VAV2: variants seen among roughly 807,000 people sequenced by gnomAD.
The protein encoded by VAV2 is guanine nucleotide exchange factor VAV2.
VAV2 carries 67 observed loss-of-function variants against 132.5 expected under a neutral mutation model. The ratio of observed to expected loss-of-function variants is 0.51; its 90% CI spans 0.42 to 0.62. The LOEUF (loss-of-function observed/expected upper bound fraction) is 0.62. Among genes scored for constraint, VAV2 ranks in the 20% least tolerant of loss-of-function variants. The probability of loss-of-function intolerance (pLI) is 0.00; values close to 1 mark genes in which losing one functional copy is unlikely to be tolerated. For missense variants in VAV2, 938 were observed against 1,153.6 expected (o/e 0.81, Z 2.71); for synonymous variants, 492 against 443.5 (o/e 1.11, Z -1.37).
rs950518198 is a variant in VAV2, at chr9:133,857,087, A to C, written c.380+4287T>G. ...CATTTGGCTGACAGAAGCTTCCTTC[A>C]TGGGACCTGACCTCCCAGCCTGAGG... On this transcript the variant is annotated intron_variant, in intron 3 of 29. Coordinates refer to ENST00000371850, the MANE Select transcript of VAV2 (RefSeq NM_001134398.2). The surrounding 1 kb of genome is among the most constrained non-coding windows in gnomAD (Gnocchi z 4.0). Among the ~76,000 whole-genome samples, 1 of 152,170 alleles carries C rather than the reference A, an allele frequency of 6.6e-6. No homozygotes were observed. Among genetic ancestry groups the C allele is most frequent in the Non-Finnish European group, 1.5e-5 (1 of 68,020 alleles).
At chr9:133,930,198 C>G (rs76091344) in intron 2 of VAV2, among the ~76,000 whole-genome samples, 1 of 152,306 alleles carries the variant, frequency 6.6e-6, no homozygotes, top group East Asian at 1.9e-4. Flanking sequence ...ACAGCCCCAC[C>G]GGCCTCCACT....
chr9:133,790,590 G>A (rs1182714167), intron 13 of VAV2, among the ~76,000 whole-genome samples: 1 of 152,184 alleles, frequency 6.6e-6, no homozygotes, highest in Non-Finnish European at 1.5e-5. Flanking sequence ...ACCGCCTCGC[G>A]CAGGAGCTCA....
intron 16 of VAV2, 33 bp from the exon 17 acceptor site, chr9:133,785,918 G>C (rs1327900929): frequency 1.3e-6 from 2 of 1,587,942 alleles, no homozygotes; most frequent in African/African-American, 2.7e-5. Flanking sequence ...GCTTGCAATA[G>C]ACACGGCTTC....
chr9:133,797,545 CCAACA>C (rs1334954824), intron 10 of VAV2, among the ~76,000 whole-genome samples, 160 bp downstream of exon 10: 3 of 152,196 alleles, frequency 2.0e-5, no homozygotes, highest in Non-Finnish European at 4.4e-5. Context: ...ACTCCCCAAC[CCAACA>C]CAATGCAAAA....
At chr9:133,887,800 G>A (rs1190580375) in intron 2 of VAV2, among the ~76,000 whole-genome samples, 4 of 142,490 alleles carry the variant, frequency 2.8e-5, no homozygotes, top group African/African-American at 5.4e-5. Context: ...CCCATCCCCC[G>A]CCCCCCACCC....
chr9:133,795,134 T>C (rs1834655571), intron 12 of VAV2, among the ~76,000 whole-genome samples: 1 of 152,274 alleles, frequency 6.6e-6, no homozygotes, highest in African/African-American at 2.4e-5. Context: ...GAGGAGCCCA[T>C]GCCTGCTTCA....
At position 133,989,742 on chromosome 9, in the gene VAV2, C is replaced by T. The variant is rs1398008711; in HGVS notation, c.204+2333G>A. ...AACAAACACCAGCCACACAGAGAAA[C>T]GAAGTCTTTCTCCCAACCCCTGTGT... is the stretch of plus-strand genomic sequence containing the variant. On this transcript the variant is annotated intron_variant, in intron 1 of 29. Transcript: ENST00000371850. Among the ~76,000 whole-genome samples the T allele has an allele frequency of 3.3e-5, 5 of 152,196 alleles. No individual in the cohort carries two copies. In the South Asian group the frequency reaches 6.2e-4, roughly 19 times the overall value.
chr9:133,815,915 CA>C (rs1835542091), intron 4 of VAV2, among the ~76,000 whole-genome samples: 2 of 152,182 alleles, frequency 1.3e-5, no homozygotes, highest in African/African-American at 4.8e-5. Context: ...AAGCAGCTGA[CA>C]AATGCTTTTC....
chr9:133,920,741 G>A (rs1011034727), intron 2 of VAV2, among the ~76,000 whole-genome samples: 3 of 152,088 alleles, frequency 2.0e-5, no homozygotes, highest in African/African-American at 7.2e-5. Flanking sequence ...CCCCACAGCA[G>A]GCCAGTGCTG....
In VAV2 at chr9:133,857,914, G is replaced by A. The variant is rs145587286; in HGVS notation, c.380+3460C>T. Among the ~76,000 whole-genome samples, 1,189 of 152,356 alleles carry A rather than the reference G, an allele frequency of 7.8e-3. 6 individuals are homozygous for A. The highest frequency in any genetic ancestry group is 0.012 in the Non-Finnish European group (827 of 68,016). ...GGCAGGAAAGCCAGGCCCCGGGGAG[G>A]AGGGCCTGCAGAGGTCTTCCTGCAA... On this transcript the variant is annotated intron_variant, in intron 3 of 29. Transcript: ENST00000371850. The surrounding 1 kb of genome is among the most constrained non-coding windows in gnomAD (Gnocchi z 4.0).
chr9:133,776,931 G>A (rs567768888), intron 23 of VAV2, among the ~76,000 whole-genome samples: 48 of 152,272 alleles, frequency 3.2e-4, no homozygotes, highest in African/African-American at 1.0e-3. Context: ...CCGAGAATTC[G>A]CTCCATATCC....
chr9:133,907,105 C>A (rs1839685958), intron 2 of VAV2, among the ~76,000 whole-genome samples: 1 of 152,220 alleles, frequency 6.6e-6, no homozygotes, highest in Non-Finnish European at 1.5e-5. Context: ...CTTGTCCATA[C>A]CTCCTTCAGC....
intron 1 of VAV2, among the ~76,000 whole-genome samples, chr9:133,951,651 G>C (rs1026351942): frequency 3.3e-5 from 5 of 152,092 alleles, no homozygotes; most frequent in African/African-American, 4.8e-5. Flanking sequence ...TGTCAAGCAG[G>C]GGTGGCAGTC....
chr9:133,832,127 G>C (rs1836286762), intron 4 of VAV2, among the ~76,000 whole-genome samples: 2 of 152,204 alleles, frequency 1.3e-5, no homozygotes, highest in African/African-American at 4.8e-5. Flanking sequence ...AGGACAGGAA[G>C]AAGGTGCAGG....
intron 1 of VAV2, among the ~76,000 whole-genome samples, chr9:133,956,643 T>G (rs1383218266): frequency 6.6e-6 from 1 of 152,186 alleles, no homozygotes; most frequent in African/African-American, 2.4e-5. Flanking sequence ...AGCTGTACTT[T>G]CTGGAAATTC....
intron 2 of VAV2, among the ~76,000 whole-genome samples, chr9:133,862,448 G>A (rs534272789): frequency 1.6e-4 from 24 of 152,350 alleles, no homozygotes; most frequent in African/African-American, 5.3e-4. Flanking sequence ...GTGCGGCCTC[G>A]ACATTGAAAT....
rs1046596129 is a variant in VAV2 at position 133,826,912 on chromosome 9, C to T, written c.449+7360G>A. Among the ~76,000 whole-genome samples, 54 of 152,292 alleles carry T rather than the reference C, an allele frequency of 3.5e-4. No individual in the cohort carries two copies. The highest frequency in any genetic ancestry group is 8.5e-4 in the Admixed American group (13 of 15,302). ...CCTGCCACAGCGGCACCAGTGTCCTCGCAAGACGCACTCATCACGGCGCTC... is the reference window on the plus strand; with the variant it reads ...CCTGCCACAGCGGCACCAGTGTCCTTGCAAGACGCACTCATCACGGCGCTC... On this transcript the variant is annotated intron_variant, in intron 4 of 29. Transcript: ENST00000371850. This position sits in a 1 kb window ranked among gnomAD's most constrained non-coding sequence, Gnocchi z 4.2.
At chr9:133,846,484 C>CAG (rs1330025818) in intron 3 of VAV2, among the ~76,000 whole-genome samples, 2 of 152,226 alleles carry the variant, frequency 1.3e-5, no homozygotes, top group African/African-American at 4.8e-5. Context: ...GACAAAATCT[C>CAG]AGAGGCCACT....
Position 133,774,656 on chromosome 9 carries a change from G to T in VAV2, c.2135+279C>A, listed in dbSNP as rs536449672. 2.0e-5 allele frequency among the ~76,000 whole-genome samples: 3 copies of T among 152,252 alleles called. No homozygotes were observed. In the East Asian group the frequency reaches 5.8e-4, roughly 29 times the overall value. On this transcript the variant is annotated intron_variant, in intron 25 of 29. Coordinates refer to ENST00000371850, the MANE Select transcript of VAV2 (RefSeq NM_001134398.2). ...ACCCACTTGTACCTGAGCTTATCTG[G>T]TTCCCATGACCCAGAAATGTCCAAC...
Sources: gnomAD v4.1 joint callset for allele counts (sites outside exome capture counted in the v4.1 genomes callset) on GRCh38, gnomAD v4.1.1 for gene constraint, Gnocchi (gnomAD v3.1) non-coding constraint, MANE v1.5 for transcripts, NCBI Gene and HGNC (gene_info 2026-07-23, HGNC 2026-07-21) for gene names.